The following RNLS variants were observed in gnomAD, a reference collection of about 807,000 sequenced individuals.
RNLS encodes the protein renalase, FAD dependent amine oxidase, also known as renalase.
In RNLS, 39 loss-of-function variants were observed where a neutral mutation model predicts 39.8. That is an observed-to-expected ratio of 0.98 (90% CI 0.76 to 1.28). The LOEUF is 1.28. Among genes scored for constraint, RNLS ranks in the 50% most tolerant of loss-of-function variants. The pLI, the probability that RNLS is intolerant of heterozygous loss-of-function variation, is 0.00. For synonymous variants in RNLS, 147 were observed against 150.7 expected (o/e 0.98, Z 0.18); for missense variants, 410 against 413.3 (o/e 0.99, Z 0.07).
chr10:88,472,370 G>C (rs749323142), intron 4 of RNLS, among the ~76,000 whole-genome samples: 1 of 152,198 alleles, frequency 6.6e-6, no homozygotes, highest in Non-Finnish European at 1.5e-5. Flanking sequence ...TAATCTGGTA[G>C]TGGTTTTAAA....
the RNLS span, among the ~76,000 whole-genome samples, chr10:88,219,277 C>G: frequency 1.3e-5 from 2 of 152,190 alleles, no homozygotes; most frequent in African/African-American, 2.4e-5. Flanking sequence ...CTCATCATTG[C>G]TATTTCCAAG....
chr10:88,548,155 C>T (rs572278652), intron 4 of RNLS, among the ~76,000 whole-genome samples: 104 of 147,302 alleles, frequency 7.1e-4, no homozygotes, highest in Non-Finnish European at 1.3e-3. Flanking sequence ...CCAGCTACTC[C>T]GGAGGCTGAG....
At chr10:88,275,748 G>A (rs759409538) in intron 6 of RNLS, among the ~76,000 whole-genome samples, 3 of 152,162 alleles carry the variant, frequency 2.0e-5, no homozygotes, top group Non-Finnish European at 2.9e-5. Context: ...ATATGGTGGT[G>A]TTACTACAAT....
At chr10:88,487,038 G>T (rs1338812052) in intron 4 of RNLS, among the ~76,000 whole-genome samples, 3 of 152,132 alleles carry the variant, frequency 2.0e-5, no homozygotes, top group Admixed American at 2.0e-4. Context: ...AAAAAAGAAG[G>T]AGATCATGTC....
At chr10:88,395,672 A>AAT (rs897546521) in intron 4 of RNLS, among the ~76,000 whole-genome samples, 7 of 152,140 alleles carry the variant, frequency 4.6e-5, no homozygotes, top group East Asian at 1.9e-4. Context: ...GAGTGGAAAG[A>AAT]ATATATATAT....
At chr10:88,173,693 G>T in the RNLS span, among the ~76,000 whole-genome samples, 1 of 152,110 alleles carries the variant, frequency 6.6e-6, no homozygotes, top group Non-Finnish European at 1.5e-5. Context: ...ATGCAACAAA[G>T]TTCCATCAAA....
the RNLS span, among the ~76,000 whole-genome samples, chr10:88,207,938 G>T: frequency 1.3e-5 from 2 of 152,122 alleles, no homozygotes; most frequent in African/African-American, 4.8e-5. Flanking sequence ...TCTGTTTATG[G>T]CTCAGCCGCC....
chr10:88,183,211 T>A, the RNLS span, among the ~76,000 whole-genome samples: 1 of 152,084 alleles, frequency 6.6e-6, no homozygotes, highest in South Asian at 2.1e-4. Context: ...ATGCCTTGGA[T>A]GTGGAAGAGA....
chr10:88,576,827 G>C (rs1850239723), intron 3 of RNLS, among the ~76,000 whole-genome samples: 2 of 152,124 alleles, frequency 1.3e-5, no homozygotes. Flanking sequence ...CTAATAAATT[G>C]ATCTTGTCAA....
chr10:88,429,029 C>T (rs193048430), intron 4 of RNLS, among the ~76,000 whole-genome samples: 6 of 151,810 alleles, frequency 4.0e-5, no homozygotes, highest in African/African-American at 1.2e-4. Context: ...AGAGTTAATG[C>T]TTTCATTAAT....
At chr10:88,370,022 C>T (rs1850422797) in intron 4 of RNLS, among the ~76,000 whole-genome samples, 1 of 152,050 alleles carries the variant, frequency 6.6e-6, no homozygotes. Context: ...TCACATATAC[C>T]ATCTATTTCT....
chr10:88,458,183 T>G (rs926196941), intron 4 of RNLS, among the ~76,000 whole-genome samples: 6 of 152,188 alleles, frequency 3.9e-5, no homozygotes, highest in African/African-American at 1.4e-4. Flanking sequence ...GTTAGCCAAG[T>G]AGGTTTCAAA....
chr10:88,266,963 C>T, the RNLS span, among the ~76,000 whole-genome samples: 1 of 152,136 alleles, frequency 6.6e-6, no homozygotes, highest in East Asian at 1.9e-4. Context: ...CTGAGGTCAT[C>T]TCAAATTTGA....
At chr10:88,270,782 C>A (rs1426693527), downstream of RNLS, among the ~76,000 whole-genome samples, 1 of 152,174 alleles carries the variant, frequency 6.6e-6, no homozygotes, top group East Asian at 1.9e-4. Context: ...ACAAGAGATA[C>A]ATACAACCCC....
the RNLS span, among the ~76,000 whole-genome samples, chr10:88,260,546 A>C: frequency 6.6e-6 from 1 of 152,218 alleles, no homozygotes. Flanking sequence ...AACTCATTTG[A>C]CTTTGAAACC....
intron 4 of RNLS, among the ~76,000 whole-genome samples, chr10:88,549,365 G>C (rs1848501492): frequency 6.6e-6 from 1 of 151,394 alleles, no homozygotes; most frequent in Non-Finnish European, 1.5e-5. Context: ...GACCTGCCTG[G>C]GCAACACAGC....
At chr10:88,356,113 T>C (rs529032846) in intron 5 of RNLS, among the ~76,000 whole-genome samples, 2 of 152,328 alleles carry the variant, frequency 1.3e-5, no homozygotes, top group African/African-American at 4.8e-5. Context: ...AAGTGCTGTC[T>C]GTCGCAGCTT....
chr10:88,304,060 C>G (rs953605427), intron 6 of RNLS, among the ~76,000 whole-genome samples: 1 of 152,214 alleles, frequency 6.6e-6, no homozygotes, highest in African/African-American at 2.4e-5. Flanking sequence ...AGAGTTACAG[C>G]ATGCAGACCA....
Position 88,284,876 on chromosome 10 carries a change from C to T in RNLS, c.*478G>A. ...GGGGATAAATGAGAAATAAGAATTA[C>T]ACTCTGTTACCTACATTTTGGAAAA... On this transcript the variant is annotated 3_prime_UTR_variant, in exon 7 of 7. Coordinates refer to ENST00000331772, the MANE Select transcript of RNLS (RefSeq NM_001031709.3). 1 of 985,614 alleles carries T rather than the reference C, an allele frequency of 1.0e-6. No homozygotes were observed. Among genetic ancestry groups the T allele is most frequent in the Non-Finnish European group, 1.2e-6 (1 of 830,108 alleles). The allele number at this position is 985,614 out of a possible 1,614,324, so 61.1% of individuals were successfully genotyped here. A position where few individuals can be genotyped will look rare whatever the true frequency, so the allele number is the denominator to read the frequency against.
Sources: gnomAD v4.1 joint callset for allele counts (sites outside exome capture counted in the v4.1 genomes callset) on GRCh38, gnomAD v4.1.1 for gene constraint, MANE v1.5 for transcripts, NCBI Gene and HGNC (gene_info 2026-07-23, HGNC 2026-07-21) for gene names.